SLC25A41: variants seen among roughly 807,000 people sequenced by gnomAD.
SLC25A41 encodes the protein mitochondrial carrier protein SCaMC-3L.
SLC25A41 carries 35 observed loss-of-function variants against 34.7 expected under a neutral mutation model. The ratio of observed to expected loss-of-function variants is 1.01; its 90% CI spans 0.77 to 1.34. The LOEUF (loss-of-function observed/expected upper bound fraction) is 1.34, where lower values mean the gene tolerates loss of function less well. SLC25A41 is among the 40% of genes most tolerant of loss of function. The pLI is 0.00. For missense variants in SLC25A41, 492 were observed against 489.8 expected, an observed-to-expected ratio of 1.00 and a Z score of -0.04; for synonymous variants, 190 against 209.9, an observed-to-expected ratio of 0.91 and a Z score of 0.82.
At chr19:6,428,300 C>A (rs951847025) in intron 4 of SLC25A41, among the ~76,000 whole-genome samples, 1 of 150,972 alleles carries the variant, frequency 6.6e-6, no homozygotes, top group East Asian at 1.9e-4. Context: ...AGCTGTAATC[C>A]CAGCAGGAGA....
Position 6,429,767 on chromosome 19 carries a change from G to A in SLC25A41, c.581C>T (p.Ser194Phe). The change falls in exon 4 of 7, where the codon TCC becomes TTC. Residue 194 changes from serine to phenylalanine, a missense_variant. Physicochemically the swap from Ser to Phe is radical, Grantham distance 155. Coordinates refer to ENST00000321510, the MANE Select transcript of SLC25A41 (RefSeq NM_173637.4). ...PPFQERLLAG[S>F]LAVAISQTLI... ...GGTCTGGGAGATGGCCACAGCCAGGGAGCCAGCAAGGAGACGCTCCTGGAA... is the reference window on the plus strand; with the variant it reads ...GGTCTGGGAGATGGCCACAGCCAGGAAGCCAGCAAGGAGACGCTCCTGGAA... 6.2e-7 allele frequency: 1 copy of A among 1,609,534 alleles called. No homozygotes were observed. Among genetic ancestry groups the A allele is most frequent in the Non-Finnish European group, 8.5e-7 (1 of 1,178,284 alleles).
At chr19:6,429,045 T>TC (rs2092259270) in intron 4 of SLC25A41, among the ~76,000 whole-genome samples, 3 of 54,726 alleles carry the variant, frequency 5.5e-5, no homozygotes, top group Non-Finnish European at 8.6e-5. Flanking sequence ...ATATAATATA[T>TC]ATATTATATA....
Position 6,432,057 on chromosome 19 carries a change from A to G in SLC25A41, c.355T>C (p.Tyr119His), listed in dbSNP as rs943992589. ...GTAPLDRAKV[Y>H]MQVYSSKTNF... ...CCCCAACCCACACAAACCTGCATGT[A>G]CACCTTGGCTCTGTCCAGAGGTGCC... The change falls in exon 2 of 7, where the codon TAC becomes CAC. Residue 119 changes from tyrosine to histidine, a missense_variant. Tyr to His is a moderately conservative substitution (Grantham distance 83, BLOSUM62 2). Transcript: ENST00000321510. 14 of 1,611,294 alleles carry G rather than the reference A, an allele frequency of 8.7e-6. No homozygotes were observed. The highest frequency in any genetic ancestry group is 1.3e-5 in the African/African-American group (1 of 74,778).
rs749967022 is a variant in SLC25A41, at chr19:6,427,186, A to G, written c.857T>C (p.Leu286Pro). ...GGTCGTGGATAGCGTCACAGACGACAGACTGACCAGGCCACTGGGGTCCCC... is the reference window on the plus strand; with the variant it reads ...GGTCGTGGATAGCGTCACAGACGACGGACTGACCAGGCCACTGGGGTCCCC... Reference protein sequence around the residue: ...DMGDPSGLVSLSSVTLSTTCG... With the variant: ...DMGDPSGLVSPSSVTLSTTCG... The change falls in exon 6 of 7, where the codon CTG becomes CCG. Residue 286 changes from leucine to proline, a missense_variant. Coordinates refer to ENST00000321510, the MANE Select transcript of SLC25A41 (RefSeq NM_173637.4). The surrounding 1 kb of genome is among the most constrained non-coding windows in gnomAD (Gnocchi z 4.9). 4.3e-6 allele frequency: 7 copies of G among 1,612,410 alleles called. No individual in the cohort carries two copies. Among genetic ancestry groups the G allele is most frequent in the Non-Finnish European group, 5.9e-6 (7 of 1,179,754 alleles).
At chr19:6,428,094 C>G (rs1052632990) in intron 4 of SLC25A41, among the ~76,000 whole-genome samples, 1 of 152,118 alleles carries the variant, frequency 6.6e-6, no homozygotes, top group Non-Finnish European at 1.5e-5. Context: ...ATTATACATT[C>G]CTCAAAACCC....
In SLC25A41 at chr19:6,433,763, T is replaced by C; in HGVS notation, c.-70A>G. The C allele has an allele frequency of 7.8e-7, 1 of 1,286,470 alleles. No individual in the cohort carries two copies. Among genetic ancestry groups the C allele is most frequent in the Non-Finnish European group, 1.1e-6 (1 of 947,022 alleles). The allele number at this position is 1,286,470 out of a possible 1,614,324, so 79.7% of individuals were successfully genotyped here. A position where few individuals can be genotyped will look rare whatever the true frequency, so the allele number is the denominator to read the frequency against. On this transcript the variant is annotated 5_prime_UTR_variant, in exon 1 of 7. Coordinates refer to ENST00000321510, the MANE Select transcript of SLC25A41 (RefSeq NM_173637.4). ...TGCTGCTCCAGCTACCATGCGGGAG[T>C]GTCTAGTGGGAGGATTGTGTGGGGG...
chr19:6,429,843 G>A lies in SLC25A41; in HGVS notation c.517-12C>T. The A allele has an allele frequency of 6.2e-7, 1 of 1,610,286 alleles. No homozygotes were observed. The highest frequency in any genetic ancestry group is 8.5e-7 in the Non-Finnish European group (1 of 1,177,812). On this transcript the variant is annotated splice_polypyrimidine_tract_variant and intron_variant, in intron 3 of 6. Coordinates refer to ENST00000321510, the MANE Select transcript of SLC25A41 (RefSeq NM_173637.4). ...AAGTAATTCTTGCACTGGGAGAGGA[G>A]AGAGGAGGGTGAGAGAGAAGTCAGC...
chr19:6,428,361 G>A (rs1194881493), intron 4 of SLC25A41, among the ~76,000 whole-genome samples: 1 of 148,780 alleles, frequency 6.7e-6, no homozygotes, highest in Non-Finnish European at 1.5e-5. Context: ...AGTCAAGATC[G>A]TGCCACTGCA....
chr19:6,430,433 C>A (rs1227750135), intron 2 of SLC25A41: 1 of 544,258 alleles, frequency 1.8e-6, no homozygotes, highest in East Asian at 3.4e-5. Context: ...TCCATCCTTT[C>A]CTTTCTTTCT....
At chr19:6,435,923 A>G (rs1042410885), upstream of SLC25A41, among the ~76,000 whole-genome samples, 22 of 152,164 alleles carry the variant, frequency 1.4e-4, no homozygotes, top group African/African-American at 5.3e-4. Context: ...CCGGAGGCTG[A>G]GATGGGAGCA....
At position 6,427,278 on chromosome 19, in the gene SLC25A41, C is replaced by T; in HGVS notation, c.793-28G>A. On this transcript the variant is annotated intron_variant, in intron 5 of 6. Coordinates refer to ENST00000321510, the MANE Select transcript of SLC25A41 (RefSeq NM_173637.4). This position sits in a 1 kb window ranked among gnomAD's most constrained non-coding sequence, Gnocchi z 4.9. ...GCAAGAGAAGGGGGCCAGGAGAAAG[C>T]TCACTAGGAGCCTGGGCTCCGGCCA... 6.2e-7 allele frequency: 1 copy of T among 1,610,808 alleles called. No individual in the cohort carries two copies. Among genetic ancestry groups the T allele is most frequent in the Non-Finnish European group, 8.5e-7 (1 of 1,178,458 alleles).
rs751966635 is a variant in SLC25A41 at position 6,426,434 on chromosome 19, G to A, written c.1068C>T (p.Ile356=). Residue 356 remains isoleucine, a synonymous_variant, in exon 7 of 7, where the codon ATC becomes ATT. Transcript: ENST00000321510. ...TLLKVLPAGG[I]SYVVYEAMKK... The stretch of plus-strand genomic sequence containing the variant: ...TCATGGCTTCGTACACCACATAGCT[G>A]ATGCCACCTGCTGGTAAGACCTTCA... 1 of 1,613,870 alleles carries A rather than the reference G, an allele frequency of 6.2e-7. No individual in the cohort carries two copies. The highest frequency in any genetic ancestry group is 2.2e-5 in the East Asian group (1 of 44,890).
intron 1 of SLC25A41, 141 bp from the exon 2 acceptor site, chr19:6,432,345 C>G (rs1356651854): frequency 5.6e-6 from 5 of 891,220 alleles, no homozygotes; most frequent in Non-Finnish European, 6.6e-6. Flanking sequence ...CGGAGTCTTG[C>G]TCTGCTGCCC....
upstream of SLC25A41, among the ~76,000 whole-genome samples, chr19:6,434,246 A>G (rs1428987995): frequency 2.0e-5 from 3 of 152,086 alleles, no homozygotes; most frequent in East Asian, 5.8e-4. Context: ...TCCGGCCGCA[A>G]AATTCTTATG....
chr19:6,433,601 A>AGGTGGGGGGGGG lies in SLC25A41; in HGVS notation c.92_93insCCCCCCCCCACC (p.Pro30_Pro33dup). 2 of 1,296,814 alleles carry AGGTGGGGGGGGG rather than the reference A, an allele frequency of 1.5e-6. No homozygotes were observed. Among genetic ancestry groups the AGGTGGGGGGGGG allele is most frequent in the Admixed American group, 1.9e-5 (1 of 54,036 alleles). 80.3% of individuals were successfully genotyped at this position (1,296,814 alleles called of 1,614,324 possible). ...GGGGTGGAGGCGGAGGTTGGGGGGG[A>AGGTGGGGGGGGG]GGCGGGGCTTTGATGAGTAAGGTCT... On this transcript the variant is annotated inframe_insertion, in exon 1 of 7. Coordinates refer to ENST00000321510, the MANE Select transcript of SLC25A41 (RefSeq NM_173637.4).
In SLC25A41 at chr19:6,427,520, A is replaced by G. The variant is rs549781806; in HGVS notation, c.625-19T>C. On this transcript the variant is annotated intron_variant, in intron 4 of 6. Coordinates refer to ENST00000321510, the MANE Select transcript of SLC25A41 (RefSeq NM_173637.4). This position sits in a 1 kb window ranked among gnomAD's most constrained non-coding sequence, Gnocchi z 4.9. Reference sequence around the variant, plus strand: ...TCAGCACCTGAGGATGGCGGGGAACAAGGCAGCTCATTTGATTGAATCCTG... The same window carrying G: ...TCAGCACCTGAGGATGGCGGGGAACGAGGCAGCTCATTTGATTGAATCCTG... 3.4e-6 allele frequency: 5 copies of G among 1,485,838 alleles called. No homozygotes were observed. The highest frequency in any genetic ancestry group is 1.4e-5 in the African/African-American group (1 of 71,900). 92.0% of individuals were successfully genotyped at this position (1,485,838 alleles called of 1,614,324 possible).
At chr19:6,434,071 G>C (rs2092297630), upstream of SLC25A41, among the ~76,000 whole-genome samples, 1 of 152,150 alleles carries the variant, frequency 6.6e-6, no homozygotes, top group Non-Finnish European at 1.5e-5. Context: ...AGCCTCCCGA[G>C]TAGCTGGGAC....
At position 6,432,133 on chromosome 19, in the gene SLC25A41, C is replaced by T; in HGVS notation, c.279G>A (p.Trp93Ter). The change falls in exon 2 of 7, where the codon TGG becomes TGA. Residue 93 changes from tryptophan to a stop codon, truncating the protein, a stop_gained. Transcript: ENST00000321510. LOFTEE classifies it high-confidence loss of function. ...VLEVDNKEAL[W>*]KFLLSGAMAG... ...CCATAGCTCCTGAGAGTAGAAACTT[C>T]CACAAGGCCTCCTTGTTATCCACTT... 6.2e-7 allele frequency: 1 copy of T among 1,613,976 alleles called. No individual in the cohort carries two copies.
Position 6,427,558 on chromosome 19 carries a change from G to A in SLC25A41, c.625-57C>T, listed in dbSNP as rs897179963. On this transcript the variant is annotated intron_variant, in intron 4 of 6. Transcript: ENST00000321510. The surrounding 1 kb of genome is among the most constrained non-coding windows in gnomAD (Gnocchi z 4.9). ...TGATTGAATCCTGTCAATGACCCTC[G>A]GGGTAGCCATTGTCCCCACCCTACA... The A allele has an allele frequency of 3.5e-5, 50 of 1,438,316 alleles. No homozygotes were observed. In the Admixed American group the frequency reaches 7.5e-4, roughly 21 times the overall value. The allele number at this position is 1,438,316 out of a possible 1,614,324, so 89.1% of individuals were successfully genotyped here.
Sources: allele counts gnomAD v4.1 joint callset (sites outside exome capture counted in the v4.1 genomes callset), GRCh38; gene constraint gnomAD v4.1.1; non-coding constraint Gnocchi (gnomAD v3.1); transcripts MANE v1.5; gene names NCBI Gene and HGNC (gene_info 2026-07-23, HGNC 2026-07-21).